The following GPR142 variants were observed in gnomAD, a reference collection of about 807,000 sequenced individuals.
The protein encoded by GPR142 is G-protein coupled receptor 142 long form.
GPR142 carries 9 observed loss-of-function variants against 10.6 expected under a neutral mutation model. That is an observed-to-expected ratio of 0.85 (90% CI 0.51 to 1.48). GPR142 has a LOEUF of 1.48. Among genes scored for constraint, GPR142 ranks in the 40% most tolerant of loss-of-function variants. The probability of loss-of-function intolerance (pLI) is 0.00; values close to 1 mark genes in which losing one functional copy is unlikely to be tolerated. For synonymous variants in GPR142, 202 were observed against 221.2 expected (o/e 0.91, Z 0.77); for missense variants, 482 against 506.0 (o/e 0.95, Z 0.45).
At chr17:74,371,333 T>A (rs1033186981) in intron 3 of GPR142, among the ~76,000 whole-genome samples, 4 of 152,056 alleles carry the variant, frequency 2.6e-5, no homozygotes, top group African/African-American at 7.2e-5. Flanking sequence ...ATTTGTATAT[T>A]TTTTTAACAG....
At chr17:74,369,416 G>C (rs992978172) in intron 1 of GPR142, 52 bp from the exon 2 acceptor site, 6 of 1,525,556 alleles carry the variant, frequency 3.9e-6, no homozygotes, top group Non-Finnish European at 5.3e-6. Flanking sequence ...CGGTGCCTCC[G>C]CCCACCAGTT....
At position 74,372,277 on chromosome 17, in the gene GPR142, A is replaced by C; in HGVS notation, c.802A>C (p.Thr268Pro). Residue 268 changes from threonine (T) to proline (P), a missense_variant, in exon 4 of 4, where the codon ACA becomes CCA. Physicochemically the swap from Thr to Pro is conservative, Grantham distance 38. Transcript: ENST00000582579. ...SGLQPRVGKS[T>P]AILLGITTLF... ...GCTGCAGCCCCGGGTGGGCAAGAGC[A>C]CAGCCATCCTCCTGGGCATCACCAC... The C allele has an allele frequency of 6.2e-7, 1 of 1,613,656 alleles. No homozygotes were observed. The highest frequency in any genetic ancestry group is 8.5e-7 in the Non-Finnish European group (1 of 1,179,570).
intron 2 of GPR142, among the ~76,000 whole-genome samples, chr17:74,370,108 G>C (rs1175864345): frequency 6.6e-6 from 1 of 151,842 alleles, no homozygotes; most frequent in African/African-American, 2.4e-5. Context: ...CACCCAGGTT[G>C]CTGATTACAA....
chr17:74,372,114 A>G lies in GPR142; in HGVS notation c.639A>G (p.Arg213=). 6.2e-7 allele frequency: 1 copy of G among 1,614,062 alleles called. No individual in the cohort carries two copies. The highest frequency in any genetic ancestry group is 1.1e-5 in the South Asian group (1 of 91,066). The change falls in exon 4 of 4, where the codon AGA becomes AGG. Residue 213 remains arginine, a synonymous_variant. Transcript: ENST00000582579. The part of the protein sequence containing the change: ...IPFYWWLDMW[R]DTDSPRTLDE... ...TCTACTGGTGGCTGGACATGTGGAGAGACACCGACTCACCCAGAACACTGG... is the reference window on the plus strand; with the variant it reads ...TCTACTGGTGGCTGGACATGTGGAGGGACACCGACTCACCCAGAACACTGG...
Position 74,369,449 on chromosome 17 carries a change from C to T in GPR142, c.-73-19C>T. 2.6e-6 allele frequency: 4 copies of T among 1,553,766 alleles called. No homozygotes were observed. Among genetic ancestry groups the T allele is most frequent in the Non-Finnish European group, 2.6e-6 (3 of 1,147,890 alleles). On this transcript the variant is annotated intron_variant, in intron 1 of 3. Transcript: ENST00000582579. ...GTTCCTTCCTCCTCCTTCCCCCGCCCCGCCCCCTGCACTAACAGGCTCAGT... is the reference window on the plus strand; with the variant it reads ...GTTCCTTCCTCCTCCTTCCCCCGCCTCGCCCCCTGCACTAACAGGCTCAGT...
intron 2 of GPR142, 100 bp downstream of exon 2, chr17:74,369,734 A>C: frequency 8.0e-7 from 1 of 1,251,642 alleles, no homozygotes; most frequent in Non-Finnish European, 1.1e-6. Flanking sequence ...GTAGGGGCCA[A>C]AGCTGAGAGT....
At position 74,368,173 on chromosome 17, in the gene GPR142, G is replaced by A. The variant is rs534671538; in HGVS notation, c.-74+379G>A. Among the ~76,000 whole-genome samples, 7 of 151,754 alleles carry A rather than the reference G, an allele frequency of 4.6e-5. No homozygotes were observed. In the East Asian group the frequency reaches 7.8e-4, roughly 17 times the overall value. ...AAGTGTAGGGACAGGGTGGGCACTC[G>A]GTAAATGTTGGCAGGGACCCTCCTT... On this transcript the variant is annotated intron_variant, in intron 1 of 3. Transcript: ENST00000582579.
chr17:74,369,319 GC>G, intron 1 of GPR142, 148 bp from the exon 2 acceptor site: 1 of 652,254 alleles, frequency 1.5e-6, no homozygotes, highest in South Asian at 1.9e-5. Context: ...TGAAGCTGAA[GC>G]CCCTGCCCAG....
chr17:74,367,786 G>A lies in GPR142; in HGVS notation c.-82G>A, dbSNP rs780583451. 1 of 1,601,214 alleles carries A rather than the reference G, an allele frequency of 6.2e-7. No individual in the cohort carries two copies. Among genetic ancestry groups the A allele is most frequent in the South Asian group, 1.1e-5 (1 of 89,536 alleles). On this transcript the variant is annotated 5_prime_UTR_variant, in exon 1 of 4. Transcript: ENST00000582579. Reference sequence around the variant, plus strand: ...GCCTCCCAGAACAGGCCTTCTATGGGGTGGGATGGTAAGTTGCTGGAAGGA... The same window carrying A: ...GCCTCCCAGAACAGGCCTTCTATGGAGTGGGATGGTAAGTTGCTGGAAGGA...
At chr17:74,371,602 G>C in intron 3 of GPR142, 127 bp from the exon 4 acceptor site, 1 of 997,384 alleles carries the variant, frequency 1.0e-6, no homozygotes, top group Non-Finnish European at 1.4e-6. Context: ...GATCTGGAAG[G>C]AGAAAAAAGA....
chr17:74,369,368 C>G (rs1598409749), intron 1 of GPR142, 100 bp from the exon 2 acceptor site: 1 of 1,188,886 alleles, frequency 8.4e-7, no homozygotes, highest in Non-Finnish European at 1.2e-6. Flanking sequence ...TTAGAGCACC[C>G]TGGTTTGCTC....
rs369221349 is a variant in GPR142, at chr17:74,369,770, CA to C, written c.94+137del. The C allele has an allele frequency of 1.1e-4, 100 of 890,494 alleles. No individual in the cohort carries two copies. In the African/African-American group the frequency reaches 1.6e-3, roughly 14 times the overall value. The allele number at this position is 890,494 out of a possible 1,614,324, so 55.2% of individuals were successfully genotyped here. On this transcript the variant is annotated intron_variant, in intron 2 of 3. Transcript: ENST00000582579. ...GAGTGAGCAGTGAGCCCCCCGGCCT[CA>C]GCAGGAAACGAAAAGCTGGAGTTCA... is the stretch of plus-strand genomic sequence containing the variant.
At chr17:74,369,838 C>T (rs988899738) in intron 2 of GPR142, among the ~76,000 whole-genome samples, 5 of 152,126 alleles carry the variant, frequency 3.3e-5, no homozygotes, top group African/African-American at 1.2e-4. Context: ...GGAACAGGGG[C>T]CAGAGTGGAC....
At position 74,367,812 on chromosome 17, in the gene GPR142, C is replaced by A; in HGVS notation, c.-74+18C>A. On this transcript the variant is annotated intron_variant, in intron 1 of 3. Coordinates refer to ENST00000582579, the MANE Select transcript of GPR142 (RefSeq NM_001331076.1). ...GTGGGATGGTAAGTTGCTGGAAGGACGTGCATGGGGCATCATTGTAGCAAA... is the reference window on the plus strand; with the variant it reads ...GTGGGATGGTAAGTTGCTGGAAGGAAGTGCATGGGGCATCATTGTAGCAAA... 1 of 1,574,804 alleles carries A rather than the reference C, an allele frequency of 6.3e-7. No individual in the cohort carries two copies. The highest frequency in any genetic ancestry group is 1.2e-5 in the South Asian group (1 of 84,284).
chr17:74,369,748 T>A, intron 2 of GPR142, 114 bp downstream of exon 2: 1 of 1,055,488 alleles, frequency 9.5e-7, no homozygotes, highest in Non-Finnish European at 1.3e-6. Context: ...TGAGAGTGAG[T>A]GAGCAGTGAG....
In GPR142 at chr17:74,372,021, G is replaced by T. The variant is rs372188376; in HGVS notation, c.546G>T (p.Ser182=). 1 of 1,613,542 alleles carries T rather than the reference G, an allele frequency of 6.2e-7. No homozygotes were observed. Among genetic ancestry groups the T allele is most frequent in the Non-Finnish European group, 8.5e-7 (1 of 1,179,962 alleles). ...LCHPLHHRAA[S]SPGRTRRAIA... ...ACCCCCTGCACCATCGGGCCGCCTC[G>T]TCCCCAGGCCGGACCCGCCGGGCCA... The change falls in exon 4 of 4, where the codon TCG becomes TCT. Residue 182 remains serine (S), a synonymous_variant. Transcript: ENST00000582579.
intron 1 of GPR142, among the ~76,000 whole-genome samples, chr17:74,368,276 G>A (rs532447777): frequency 2.6e-5 from 4 of 152,196 alleles, no homozygotes; most frequent in Non-Finnish European, 5.9e-5. Flanking sequence ...AGGAGGTGGT[G>A]GCCTGGGGCG....
chr17:74,370,932 G>A (rs2055019201), intron 3 of GPR142, among the ~76,000 whole-genome samples: 1 of 152,152 alleles, frequency 6.6e-6, no homozygotes, highest in Admixed American at 6.5e-5. Context: ...AATTCACATA[G>A]GAACTGGCTC....
rs755780904 is a variant in GPR142 at position 74,372,089 on chromosome 17, T to C, written c.614T>C (p.Phe205Ser). Residue 205 changes from phenylalanine to serine, a missense_variant, in exon 4 of 4, where the codon TTC becomes TCC. Coordinates refer to ENST00000582579, the MANE Select transcript of GPR142 (RefSeq NM_001331076.1). ...LSAALLTGIP[F>S]YWWLDMWRDT... ...GCTGCCCTGTTGACCGGCATCCCCT[T>C]CTACTGGTGGCTGGACATGTGGAGA... The C allele has an allele frequency of 2.5e-6, 4 of 1,614,072 alleles. No homozygotes were observed. The highest frequency in any genetic ancestry group is 3.4e-6 in the Non-Finnish European group (4 of 1,180,050).
Sources: allele counts gnomAD v4.1 joint callset (sites outside exome capture counted in the v4.1 genomes callset), GRCh38; gene constraint gnomAD v4.1.1; transcripts MANE v1.5; gene names NCBI Gene and HGNC (gene_info 2026-07-23, HGNC 2026-07-21).